The following CIPC variants were observed in gnomAD, a reference collection of about 807,000 sequenced individuals.
CIPC encodes CLOCK-interacting pacemaker.
Under a neutral mutation model 26.7 loss-of-function variants are expected in CIPC, and 12 were observed. The observed-to-expected ratio is 0.45, with a 90% CI of 0.29 to 0.73. The LOEUF is 0.73. Ranked by LOEUF, CIPC falls within the 30% of genes least tolerant of loss-of-function variation. The pLI is 0.12. For synonymous variants in CIPC, 170 were observed against 189.8 expected, an observed-to-expected ratio of 0.90 and a Z score of 0.86; for missense variants, 417 against 486.5, an observed-to-expected ratio of 0.86 and a Z score of 1.34.
intron 3 of CIPC, among the ~76,000 whole-genome samples, chr14:77,113,222 C>T (rs188853323): frequency 1.3e-5 from 2 of 152,264 alleles, no homozygotes; most frequent in East Asian, 3.9e-4. Context: ...ATAGGTATTT[C>T]CTCCAGTTTT....
At chr14:77,100,602 A>C (rs1594818068) in intron 1 of CIPC, among the ~76,000 whole-genome samples, 6 of 134,050 alleles carry the variant, frequency 4.5e-5, no homozygotes, top group African/African-American at 1.1e-4. Context: ...ACGGAGTCTC[A>C]CTCTTCACCC....
At chr14:77,099,800 G>C (rs758635926) in intron 1 of CIPC, 2 of 152,178 alleles carry the variant, frequency 1.3e-5, no homozygotes, top group Non-Finnish European at 2.9e-5. Flanking sequence ...TTGTGGATTA[G>C]ATCAACCCTT....
rs79580463 is a variant in CIPC at position 77,099,012 on chromosome 14, G to A, written c.-53+651G>A. 68 of 152,778 alleles carry A rather than the reference G, an allele frequency of 4.5e-4. No homozygotes were observed. The East Asian group carries it at 0.012, about 27-fold the overall frequency. 9.5% of individuals were successfully genotyped at this position (152,778 alleles called of 1,614,324 possible). A position where few individuals can be genotyped will look rare whatever the true frequency, so the allele number is the denominator to read the frequency against. On this transcript the variant is annotated intron_variant, in intron 1 of 3. Transcript: ENST00000361786. Reference sequence around the variant, plus strand: ...GGCCCAGGTCACAGGCTGGAGCTAGGCTCCCTGTTATTGCTCAAGTCCTGG... The same window carrying A: ...GGCCCAGGTCACAGGCTGGAGCTAGACTCCCTGTTATTGCTCAAGTCCTGG...
intron 2 of CIPC, among the ~76,000 whole-genome samples, chr14:77,108,475 T>C (rs1886634440): frequency 6.6e-6 from 1 of 152,120 alleles, no homozygotes; most frequent in Non-Finnish European, 1.5e-5. Context: ...GTGGATTACC[T>C]GAGGTCAGGA....
At chr14:77,107,658 A>ACACACACT (rs1287077545) in intron 2 of CIPC, among the ~76,000 whole-genome samples, 19 of 145,262 alleles carry the variant, frequency 1.3e-4, no homozygotes, top group East Asian at 1.2e-3. Context: ...ACACACACAC[A>ACACACACT]CTCTCTCTCT....
rs1178687239 is a variant in CIPC at position 77,117,286 on chromosome 14, T to C, written c.*2968T>C. 1 of 152,686 alleles carries C rather than the reference T, an allele frequency of 6.5e-6. No homozygotes were observed. Among genetic ancestry groups the C allele is most frequent in the African/African-American group, 2.4e-5 (1 of 41,468 alleles). The allele number at this position is 152,686 out of a possible 1,614,324, so 9.5% of individuals were successfully genotyped here. A position where few individuals can be genotyped will look rare whatever the true frequency, so the allele number is the denominator to read the frequency against. On this transcript the variant is annotated 3_prime_UTR_variant, in exon 4 of 4. Coordinates refer to ENST00000361786, the MANE Select transcript of CIPC (RefSeq NM_033426.3). ...AAATAAAAGTCACTTACTTGAAACC[T>C]ATTTGGCCTTTTTGCTTTATAACTG...
At chr14:77,105,981 A>T (rs1401464776) in intron 2 of CIPC, 137 bp downstream of exon 2, 2 of 953,428 alleles carry the variant, frequency 2.1e-6, no homozygotes, top group East Asian at 5.4e-5. Context: ...TTAAAATGGT[A>T]ATTCTGATGC....
chr14:77,105,935 G>A lies in CIPC; in HGVS notation c.136+91G>A. Reference sequence around the variant, plus strand: ...AAAACTCATTTATGTGATAAGGATGGGATGCTTTCACACACAGGATAAATA... The same window carrying A: ...AAAACTCATTTATGTGATAAGGATGAGATGCTTTCACACACAGGATAAATA... On this transcript the variant is annotated intron_variant, in intron 2 of 3. Coordinates refer to ENST00000361786, the MANE Select transcript of CIPC (RefSeq NM_033426.3). 2.0e-6 allele frequency: 3 copies of A among 1,468,300 alleles called. No individual in the cohort carries two copies. The Admixed American group carries it at 5.5e-5, about 27-fold the overall frequency. The allele number at this position is 1,468,300 out of a possible 1,614,324, so 91.0% of individuals were successfully genotyped here.
In CIPC at chr14:77,098,280, T is replaced by C. The variant is rs1886400585; in HGVS notation, c.-134T>C. On this transcript the variant is annotated 5_prime_UTR_variant, in exon 1 of 4. Transcript: ENST00000361786. Reference sequence around the variant, plus strand: ...AGCGAGACACCCAGCGACGACGAGGTTGTCATGGTGCCGCGGGGCCGTGCT... The same window carrying C: ...AGCGAGACACCCAGCGACGACGAGGCTGTCATGGTGCCGCGGGGCCGTGCT... 1 of 152,248 alleles carries C rather than the reference T, an allele frequency of 6.6e-6. No individual in the cohort carries two copies. Among genetic ancestry groups the C allele is most frequent in the South Asian group, 2.1e-4 (1 of 4,814 alleles). 9.4% of individuals were successfully genotyped at this position (152,248 alleles called of 1,614,324 possible). A position where few individuals can be genotyped will look rare whatever the true frequency, so the allele number is the denominator to read the frequency against.
At chr14:77,104,301 C>T (rs1033381144) in intron 1 of CIPC, among the ~76,000 whole-genome samples, 1 of 152,158 alleles carries the variant, frequency 6.6e-6, no homozygotes, top group Admixed American at 6.5e-5. Context: ...AGGGGAGGAT[C>T]GCTTCCATCT....
Position 77,114,333 on chromosome 14 carries a change from T to G in CIPC, c.*15T>G. On this transcript the variant is annotated 3_prime_UTR_variant, in exon 4 of 4. Coordinates refer to ENST00000361786, the MANE Select transcript of CIPC (RefSeq NM_033426.3). ...CAGCCATATAGCACAGAGGCATATT[T>G]TCCTGTTACTTGAGTGGTTCTTTTA... 6.4e-7 allele frequency: 1 copy of G among 1,572,312 alleles called. No homozygotes were observed. Among genetic ancestry groups the G allele is most frequent in the Non-Finnish European group, 8.6e-7 (1 of 1,161,998 alleles).
chr14:77,099,824 G>C lies in CIPC; in HGVS notation c.-53+1463G>C, dbSNP rs527697013. 2.6e-5 allele frequency: 4 copies of C among 152,300 alleles called. No individual in the cohort carries two copies. In the South Asian group the frequency reaches 8.3e-4, roughly 32 times the overall value. 9.4% of individuals were successfully genotyped at this position (152,300 alleles called of 1,614,324 possible). On this transcript the variant is annotated intron_variant, in intron 1 of 3. Transcript: ENST00000361786. ...AGATCAACCCTTAATTTGGATGGTG[G>C]ATTTGTCCCTGACGTTTCAACTTAG...
rs1886400665 is a variant in CIPC, at chr14:77,098,282, G to A, written c.-132G>A. 6.5e-6 allele frequency: 1 copy of A among 152,724 alleles called. No individual in the cohort carries two copies. 9.5% of individuals were successfully genotyped at this position (152,724 alleles called of 1,614,324 possible). A position where few individuals can be genotyped will look rare whatever the true frequency, so the allele number is the denominator to read the frequency against. On this transcript the variant is annotated 5_prime_UTR_variant, in exon 1 of 4. Coordinates refer to ENST00000361786, the MANE Select transcript of CIPC (RefSeq NM_033426.3). ...CGAGACACCCAGCGACGACGAGGTT[G>A]TCATGGTGCCGCGGGGCCGTGCTCG... is the stretch of plus-strand genomic sequence containing the variant.
chr14:77,108,256 A>G (rs1886629175), intron 2 of CIPC, among the ~76,000 whole-genome samples: 2 of 152,198 alleles, frequency 1.3e-5, no homozygotes, highest in South Asian at 4.1e-4. Context: ...CCATTAAAGT[A>G]CCCTTTTCTC....
chr14:77,112,304 T>G (rs1406662546), intron 3 of CIPC, among the ~76,000 whole-genome samples: 1 of 152,230 alleles, frequency 6.6e-6, no homozygotes, highest in African/African-American at 2.4e-5. Context: ...CCTTCTTTAT[T>G]AGATTTCGTC....
At chr14:77,100,760 G>T (rs1403838271) in intron 1 of CIPC, among the ~76,000 whole-genome samples, 1 of 151,640 alleles carries the variant, frequency 6.6e-6, no homozygotes, top group Non-Finnish European at 1.5e-5. Context: ...GTAGAGACAG[G>T]GTTTCACCAT....
intron 1 of CIPC, among the ~76,000 whole-genome samples, chr14:77,105,091 A>G (rs1886566098): frequency 6.6e-6 from 1 of 152,238 alleles, no homozygotes; most frequent in African/African-American, 2.4e-5. Context: ...TAAAAGTAGC[A>G]TGCATGTATA....
intron 1 of CIPC, among the ~76,000 whole-genome samples, chr14:77,100,313 CT>C (rs909807384): frequency 6.9e-6 from 1 of 144,418 alleles, no homozygotes; most frequent in African/African-American, 2.6e-5. Context: ...ACAATTTCGG[CT>C]TACTACAATC....
chr14:77,113,003 C>T (rs1474220603), intron 3 of CIPC, among the ~76,000 whole-genome samples: 1 of 152,210 alleles, frequency 6.6e-6, no homozygotes, highest in Non-Finnish European at 1.5e-5. Flanking sequence ...TGAGCCATCA[C>T]ACCTGGCCCA....
Sources: allele counts gnomAD v4.1 joint callset (sites outside exome capture counted in the v4.1 genomes callset), GRCh38; gene constraint gnomAD v4.1.1; transcripts MANE v1.5; gene names NCBI Gene and HGNC (gene_info 2026-07-23, HGNC 2026-07-21).